The following COLEC10 variants were observed in gnomAD, a reference collection of about 807,000 sequenced individuals.
The protein encoded by COLEC10 is collectin-10.
A neutral mutation model predicts 28.4 loss-of-function variants in COLEC10; 22 were observed. The ratio of observed to expected loss-of-function variants is 0.78; its 90% CI spans 0.55 to 1.11. COLEC10 has a LOEUF of 1.11. COLEC10 is among the 50% of genes least tolerant of loss of function. The probability of loss-of-function intolerance (pLI) is 0.00; values close to 1 mark genes in which losing one functional copy is unlikely to be tolerated. For missense variants in COLEC10, 361 were observed against 344.1 expected, an observed-to-expected ratio of 1.05 and a Z score of -0.39; for synonymous variants, 125 against 116.1, an observed-to-expected ratio of 1.08 and a Z score of -0.49.
At chr8:119,023,959 G>A (rs777785389) in intron 2 of COLEC10, among the ~76,000 whole-genome samples, 5 of 152,130 alleles carry the variant, frequency 3.3e-5, no homozygotes, top group South Asian at 2.1e-4. Flanking sequence ...AACCTCATAC[G>A]CATGTATATT....
In COLEC10 at chr8:119,106,136, C is replaced by T; in HGVS notation, c.779C>T (p.Thr260Ile). ...CTGAGCTCTGGCAGATGGAATGACA[C>T]AGAGTGCCATCTTACCATGTACTTT... ...EMLSSGRWND[T>I]ECHLTMYFVC... The change falls in exon 6 of 6, where the codon ACA becomes ATA. Residue 260 changes from threonine to isoleucine, a missense_variant. This residue lies in a region of COLEC10 where 4 missense variants were observed against 18.3 expected (regional missense o/e 0.22). Coordinates refer to ENST00000332843, the MANE Select transcript of COLEC10 (RefSeq NM_006438.5). 2 of 1,613,492 alleles carry T rather than the reference C, an allele frequency of 1.2e-6. No homozygotes were observed. Among genetic ancestry groups the T allele is most frequent in the East Asian group, 2.2e-5 (1 of 44,856 alleles).
At chr8:119,027,220 T>A (rs1563721053) in intron 2 of COLEC10, among the ~76,000 whole-genome samples, 1 of 152,114 alleles carries the variant, frequency 6.6e-6, no homozygotes, top group Non-Finnish European at 1.5e-5. Context: ...CCTGGGAAAA[T>A]AAAATGGTGC....
the COLEC10 span, among the ~76,000 whole-genome samples, chr8:118,985,071 TG>T: frequency 0.016 from 2,478 of 151,788 alleles, 64 homozygotes; most frequent in African/African-American, 0.057. Flanking sequence ...AGATTTGGGG[TG>T]GGGGGGACAC....
At chr8:119,089,938 C>T (rs915833572) in intron 2 of COLEC10, among the ~76,000 whole-genome samples, 187 bp downstream of exon 2, 10 of 152,208 alleles carry the variant, frequency 6.6e-5, no homozygotes, top group Admixed American at 3.9e-4. Context: ...ACAAGACTCT[C>T]ATATGTTTCT....
At chr8:119,065,146 T>C (rs1814928962), upstream of COLEC10, among the ~76,000 whole-genome samples, 1 of 152,008 alleles carries the variant, frequency 6.6e-6, no homozygotes, top group East Asian at 1.9e-4. Context: ...AAGCCAGGGG[T>C]CCCCAGTCCC....
At chr8:119,069,431 C>CA (rs1815043636) in intron 1 of COLEC10, among the ~76,000 whole-genome samples, 1 of 150,540 alleles carries the variant, frequency 6.6e-6, no homozygotes, top group South Asian at 2.1e-4. Context: ...CCCATCTCTA[C>CA]AAAAAATTAA....
At chr8:119,035,590 G>A (rs1401721713) in intron 2 of COLEC10, among the ~76,000 whole-genome samples, 1 of 152,074 alleles carries the variant, frequency 6.6e-6, no homozygotes. Flanking sequence ...TTTCTTCTTT[G>A]GTTCATCTTT....
intron 2 of COLEC10, among the ~76,000 whole-genome samples, chr8:119,050,910 T>TA (rs796934065): frequency 4.6e-5 from 7 of 152,296 alleles, no homozygotes; most frequent in African/African-American, 1.7e-4. Context: ...TTCATACATC[T>TA]AAAAAATTCT....
intron 1 of COLEC10, among the ~76,000 whole-genome samples, chr8:118,998,507 A>AT (rs1186651158): frequency 6.6e-6 from 1 of 152,016 alleles, no homozygotes; most frequent in African/African-American, 2.4e-5. Flanking sequence ...AAGCCAAGTG[A>AT]TTTTTTACCA....
chr8:118,960,414 C>G, the COLEC10 span, among the ~76,000 whole-genome samples: 1 of 152,150 alleles, frequency 6.6e-6, no homozygotes, highest in Non-Finnish European at 1.5e-5. Context: ...CTTTATTTCA[C>G]TTTGTCCTGA....
At chr8:119,078,080 G>T (rs1815289950) in intron 1 of COLEC10, among the ~76,000 whole-genome samples, 1 of 152,220 alleles carries the variant, frequency 6.6e-6, no homozygotes, top group South Asian at 2.1e-4. Flanking sequence ...ACCACAAGAG[G>T]AGCACCAAGT....
At chr8:118,991,184 C>T (rs1161970967), upstream of COLEC10, among the ~76,000 whole-genome samples, 1 of 152,044 alleles carries the variant, frequency 6.6e-6, no homozygotes, top group Non-Finnish European at 1.5e-5. Context: ...ATCTGGAGGT[C>T]AGTGTTGTGT....
chr8:119,047,275 T>G (rs1814602365), intron 2 of COLEC10, among the ~76,000 whole-genome samples: 1 of 152,206 alleles, frequency 6.6e-6, no homozygotes, highest in Non-Finnish European at 1.5e-5. Context: ...ACTTTAACTC[T>G]CTTGCCACAT....
rs532318883 is a variant in COLEC10, at chr8:119,032,621, GC to G, written n.235+23072del. 2.9e-3 allele frequency among the ~76,000 whole-genome samples: 435 copies of G among 152,304 alleles called. 1 individual carries two copies. The highest frequency in any genetic ancestry group is 6.2e-3 in the Admixed American group (95 of 15,298). On this transcript the variant is annotated intron_variant and non_coding_transcript_variant, in intron 2 of 6. Transcript: ENST00000521788. ...GTTCTCTCATAAACAAAGGCCTTCT[GC>G]CCCGCGCGGTGGCTCATGCCTGTAA...
chr8:118,997,358 T>C (rs1020692953), intron 1 of COLEC10, among the ~76,000 whole-genome samples: 6 of 152,240 alleles, frequency 3.9e-5, no homozygotes, highest in African/African-American at 1.4e-4. Context: ...GTGCTTTTGA[T>C]GTCATATCCA....
At chr8:118,993,602 G>A (rs1378151597), upstream of COLEC10, among the ~76,000 whole-genome samples, 8 of 152,026 alleles carry the variant, frequency 5.3e-5, no homozygotes, top group East Asian at 3.9e-4. Flanking sequence ...TGAGCCACCC[G>A]CCTTGGCCTC....
chr8:118,970,889 T>C, the COLEC10 span, among the ~76,000 whole-genome samples: 1 of 152,004 alleles, frequency 6.6e-6, no homozygotes, highest in African/African-American at 2.4e-5. Flanking sequence ...TGCACTCAAA[T>C]CATTAGAATC....
the COLEC10 span, among the ~76,000 whole-genome samples, chr8:118,980,511 G>A: frequency 6.6e-6 from 1 of 151,918 alleles, no homozygotes; most frequent in African/African-American, 2.4e-5. Context: ...CATTCTTTAA[G>A]CTGTAGTCTT....
the COLEC10 span, among the ~76,000 whole-genome samples, chr8:118,953,015 C>T: frequency 6.6e-6 from 1 of 152,202 alleles, no homozygotes; most frequent in African/African-American, 2.4e-5. Flanking sequence ...TACTGCCTTT[C>T]ACCAGATTCA....
Sources: gnomAD v4.1 joint callset for allele counts (sites outside exome capture counted in the v4.1 genomes callset) on GRCh38, gnomAD v4.1.1 for gene constraint, gnomAD v4.1.1 regional missense constraint, MANE v1.5 for transcripts, NCBI Gene and HGNC (gene_info 2026-07-23, HGNC 2026-07-21) for gene names.